Variants in MCTP2 observed in about 807,000 individuals in gnomAD.
The protein encoded by MCTP2 is multiple C2 and transmembrane domain containing 2, also known as multiple C2 and transmembrane domain-containing protein 2.
MCTP2 carries 132 observed loss-of-function variants against 111.6 expected under a neutral mutation model. That is an observed-to-expected ratio of 1.18 (90% confidence interval 1.03 to 1.37). The LOEUF is 1.37. Ranked by LOEUF, MCTP2 falls within the 40% of genes most tolerant of loss-of-function variation. The pLI, the probability that MCTP2 is intolerant of heterozygous loss-of-function variation, is 0.00. For synonymous variants in MCTP2, 395 were observed against 387.7 expected (o/e 1.02, Z -0.22); for missense variants, 1,183 against 1,067.9 (o/e 1.11, Z -1.50).
At chr15:94,234,088 C>G (rs1429316982) in intron 1 of MCTP2, among the ~76,000 whole-genome samples, 1 of 152,010 alleles carries the variant, frequency 6.6e-6, no homozygotes, top group Non-Finnish European at 1.5e-5. Flanking sequence ...TTAAACTCCT[C>G]TTTAGGAGCT....
At chr15:94,295,379 A>G (rs958494973) in intron 1 of MCTP2, among the ~76,000 whole-genome samples, 2 of 152,134 alleles carry the variant, frequency 1.3e-5, no homozygotes, top group East Asian at 3.9e-4. Context: ...CTCCATCTCG[A>G]TAGCTCTCAT....
At chr15:94,262,851 A>G (rs2073272070) in intron 1 of MCTP2, among the ~76,000 whole-genome samples, 1 of 152,098 alleles carries the variant, frequency 6.6e-6, no homozygotes, top group Non-Finnish European at 1.5e-5. Flanking sequence ...TTATATTTTT[A>G]GTAGAGGCAG....
intron 4 of MCTP2, among the ~76,000 whole-genome samples, chr15:94,336,676 CAT>C (rs10644556): frequency 0.031 from 4,594 of 146,442 alleles, 205 homozygotes; most frequent in African/African-American, 0.11. Flanking sequence ...TTTTGCTTAG[CAT>C]ATATATATAT....
Position 94,355,586 on chromosome 15 carries a change from A to G in MCTP2, c.1006-551A>G, listed in dbSNP as rs537923442. 2.0e-5 allele frequency among the ~76,000 whole-genome samples: 3 copies of G among 151,776 alleles called. No individual in the cohort carries two copies. The East Asian group carries it at 5.8e-4, about 29-fold the overall frequency. ...CCTCCCACCCCCACTCCAGGTCTGC[A>G]AAGCTCATTTGGCCAGCTAGGCCAC... is the stretch of plus-strand genomic sequence containing the variant. On this transcript the variant is annotated intron_variant, in intron 8 of 22. Coordinates refer to ENST00000357742, the MANE Select transcript of MCTP2 (RefSeq NM_001385001.1).
rs548008676 is a variant in MCTP2, at chr15:94,470,316, A to G, written c.2361-17A>G. 4.6e-6 allele frequency: 7 copies of G among 1,528,732 alleles called. No homozygotes were observed. The highest frequency in any genetic ancestry group is 2.2e-5 in the South Asian group (2 of 89,034). The allele number at this position is 1,528,732 out of a possible 1,614,324, so 94.7% of individuals were successfully genotyped here. On this transcript the variant is annotated splice_polypyrimidine_tract_variant and intron_variant, in intron 20 of 22. Transcript: ENST00000357742. ...TTGAACATCAGAGGAAATTATATTT[A>G]TGTGGTTTGTCTACAGCACATTTAA... is the stretch of plus-strand genomic sequence containing the variant.
At chr15:94,435,786 T>C (rs1052420258) in intron 17 of MCTP2, among the ~76,000 whole-genome samples, 4 of 140,318 alleles carry the variant, frequency 2.9e-5, no homozygotes, top group Admixed American at 1.4e-4. Context: ...CGCCCGCCAC[T>C]ACACCCGGCT....
intron 14 of MCTP2, among the ~76,000 whole-genome samples, chr15:94,396,317 C>T (rs1275377477): frequency 6.6e-6 from 1 of 152,048 alleles, no homozygotes; most frequent in East Asian, 1.9e-4. Context: ...TATAGATTCT[C>T]TCCTCTAAAT....
At chr15:94,316,995 G>A (rs1041876737) in intron 4 of MCTP2, among the ~76,000 whole-genome samples, 2 of 151,630 alleles carry the variant, frequency 1.3e-5, no homozygotes, top group Non-Finnish European at 2.9e-5. Flanking sequence ...TTTTCCTCTC[G>A]GGAAGAATTC....
chr15:94,479,356 G>T lies in MCTP2; in HGVS notation c.*322G>T. The T allele has an allele frequency of 2.9e-6, 1 of 348,104 alleles. No homozygotes were observed. Among genetic ancestry groups the T allele is most frequent in the Non-Finnish European group, 5.3e-6 (1 of 187,654 alleles). 21.6% of individuals were successfully genotyped at this position (348,104 alleles called of 1,614,324 possible). A position where few individuals can be genotyped will look rare whatever the true frequency, so the allele number is the denominator to read the frequency against. On this transcript the variant is annotated 3_prime_UTR_variant, in exon 23 of 23. Coordinates refer to ENST00000357742, the MANE Select transcript of MCTP2 (RefSeq NM_001385001.1). The stretch of plus-strand genomic sequence containing the variant: ...CCACCTTCCTTGAGAACAGCCAGGA[G>T]CCCACTTGGATTCAAGAGTGACTTT...
chr15:94,354,388 G>A (rs1423477351), intron 8 of MCTP2, among the ~76,000 whole-genome samples: 1 of 152,090 alleles, frequency 6.6e-6, no homozygotes, highest in Non-Finnish European at 1.5e-5. Flanking sequence ...ACTGAATTAT[G>A]GGGGTGGTTT....
At chr15:94,379,056 G>GTTTT (rs1196936486) in intron 12 of MCTP2, among the ~76,000 whole-genome samples, 6 of 150,942 alleles carry the variant, frequency 4.0e-5, no homozygotes, top group South Asian at 4.2e-4. Context: ...TGAGAAGTTA[G>GTTTT]TTTTTTGTTT....
intron 4 of MCTP2, among the ~76,000 whole-genome samples, chr15:94,317,063 T>G (rs1417650469): frequency 6.6e-6 from 1 of 152,228 alleles, no homozygotes; most frequent in African/African-American, 2.4e-5. Context: ...TGTACTGTTC[T>G]GTTTACCAAT....
chr15:94,419,064 GA>G (rs1437184069), intron 17 of MCTP2, among the ~76,000 whole-genome samples: 3 of 152,128 alleles, frequency 2.0e-5, no homozygotes, highest in Non-Finnish European at 4.4e-5. Flanking sequence ...GTTTGAAAAT[GA>G]TATGCATTGT....
intron 17 of MCTP2, among the ~76,000 whole-genome samples, chr15:94,422,334 C>T (rs1271796762): frequency 1.3e-5 from 2 of 152,098 alleles, no homozygotes; most frequent in Non-Finnish European, 2.9e-5. Context: ...AGAAATAATT[C>T]CTAGTTAGTG....
chr15:94,466,758 A>T (rs577491580), intron 20 of MCTP2, among the ~76,000 whole-genome samples: 5 of 152,038 alleles, frequency 3.3e-5, no homozygotes, highest in Non-Finnish European at 7.4e-5. Flanking sequence ...GAGTTCTTGC[A>T]GTTTATTTTA....
At chr15:94,263,316 A>G (rs1197861669) in intron 1 of MCTP2, among the ~76,000 whole-genome samples, 1 of 152,188 alleles carries the variant, frequency 6.6e-6, no homozygotes, top group Non-Finnish European at 1.5e-5. Context: ...AAGTCAAAAC[A>G]AACACTGAAA....
intron 17 of MCTP2, among the ~76,000 whole-genome samples, chr15:94,420,573 T>C (rs1365468507): frequency 6.6e-6 from 1 of 151,992 alleles, no homozygotes; most frequent in Non-Finnish European, 1.5e-5. Context: ...CACAGATGAC[T>C]TGGAAGGGTG....
intron 1 of MCTP2, among the ~76,000 whole-genome samples, chr15:94,289,182 C>T (rs1323501210): frequency 2.0e-5 from 3 of 152,042 alleles, no homozygotes; most frequent in Non-Finnish European, 4.4e-5. Context: ...TAAACACACA[C>T]CCAGGCACAT....
intron 1 of MCTP2, among the ~76,000 whole-genome samples, chr15:94,248,360 C>T (rs1394580453): frequency 5.3e-5 from 8 of 152,160 alleles, no homozygotes; most frequent in African/African-American, 1.7e-4. Context: ...TGAACCATCT[C>T]GAAATAATGG....
Sources: allele counts gnomAD v4.1 joint callset (sites outside exome capture counted in the v4.1 genomes callset), GRCh38; gene constraint gnomAD v4.1.1; transcripts MANE v1.5; gene names NCBI Gene and HGNC (gene_info 2026-07-23, HGNC 2026-07-21).